The following TRPM3 variants were observed in gnomAD, a reference collection of about 807,000 sequenced individuals.
The protein encoded by TRPM3 is transient receptor potential cation channel subfamily M member 3, also known as long transient receptor potential channel 3.
Under a neutral mutation model 181.2 loss-of-function variants are expected in TRPM3, and 77 were observed. That is an observed-to-expected ratio of 0.42 (90% CI 0.35 to 0.51). The LOEUF (loss-of-function observed/expected upper bound fraction) is 0.51, where lower values mean the gene tolerates loss of function less well. Ranked by LOEUF, TRPM3 falls within the 20% of genes least tolerant of loss-of-function variation. The probability of loss-of-function intolerance (pLI) is 0.01; values close to 1 mark genes in which losing one functional copy is unlikely to be tolerated. For missense variants in TRPM3, 1,759 were observed against 2,196.7 expected, an observed-to-expected ratio of 0.80 and a Z score of 3.98; for synonymous variants, 745 against 796.4, an observed-to-expected ratio of 0.94 and a Z score of 1.09.
At position 70,828,021 on chromosome 9, in the gene TRPM3, G is replaced by T. The variant is rs2131690284; in HGVS notation, c.802-3C>A. The T allele has an allele frequency of 6.2e-7, 1 of 1,608,386 alleles. No homozygotes were observed. The highest frequency in any genetic ancestry group is 8.5e-7 in the Non-Finnish European group (1 of 1,176,290). ...ATGGTCTGGTATGGCCGGACAACCT[G>T]CAGGGTATCAAATGGAAGAGGCAGA... is the stretch of plus-strand genomic sequence containing the variant. On this transcript the variant is annotated splice_polypyrimidine_tract_variant and splice_region_variant and intron_variant, in intron 5 of 25. Transcript: ENST00000677713.
At chr9:71,252,847 C>T (rs371384128) in intron 1 of TRPM3, among the ~76,000 whole-genome samples, 16 of 84,758 alleles carry the variant, frequency 1.9e-4, no homozygotes, top group African/African-American at 2.6e-4. Flanking sequence ...AATTTTGTCT[C>T]TTTTTTTTTT....
chr9:70,855,585 G>A (rs1159021851), intron 3 of TRPM3, among the ~76,000 whole-genome samples: 1 of 152,166 alleles, frequency 6.6e-6, no homozygotes, highest in Non-Finnish European at 1.5e-5. Context: ...CTGAAAAATG[G>A]AACTATCATT....
rs552368074 is a variant in TRPM3 at position 70,544,760 on chromosome 9, A to G, written c.3707+4782T>C. On this transcript the variant is annotated intron_variant, in intron 25 of 25. Transcript: ENST00000677713. ...ATAATGATCTAAAGGGGGGAAAAAA[A>G]GAAAAATTTTATAGTAATGAATACT... Among the ~76,000 whole-genome samples the G allele has an allele frequency of 1.1e-4, 17 of 152,254 alleles. 1 individual carries two copies. Among genetic ancestry groups the G allele is most frequent in the African/African-American group, 3.9e-4 (16 of 41,538 alleles).
chr9:71,140,991 C>A (rs1311920873), intron 1 of TRPM3, among the ~76,000 whole-genome samples: 3 of 152,150 alleles, frequency 2.0e-5, no homozygotes, highest in Non-Finnish European at 4.4e-5. Context: ...TCAGATAAGA[C>A]ACTTGGTATT....
chr9:70,932,988 G>A (rs1481495008), intron 1 of TRPM3, among the ~76,000 whole-genome samples: 1 of 152,168 alleles, frequency 6.6e-6, no homozygotes, highest in Non-Finnish European at 1.5e-5. Context: ...GGTAATTTCA[G>A]TAAGATTTGA....
intron 1 of TRPM3, among the ~76,000 whole-genome samples, chr9:71,282,315 GAA>G (rs1356740842): frequency 1.2e-5 from 1 of 85,922 alleles, no homozygotes; most frequent in Admixed American, 1.0e-4. Flanking sequence ...ACGAAAGAAA[GAA>G]AGAAAGGAAA....
chr9:71,037,310 G>A (rs905134203), intron 1 of TRPM3, among the ~76,000 whole-genome samples: 2 of 152,182 alleles, frequency 1.3e-5, no homozygotes, highest in African/African-American at 2.4e-5. Context: ...ACACCTCAGA[G>A]TTAAGTCTTG....
chr9:70,761,020 T>C (rs2078032655), intron 8 of TRPM3: 1 of 163,076 alleles, frequency 6.1e-6, no homozygotes, highest in Non-Finnish European at 1.3e-5. Flanking sequence ...GTTAAATGTT[T>C]GAGTAAGCAG....
chr9:71,366,479 A>C (rs2092338766), intron 1 of TRPM3, among the ~76,000 whole-genome samples: 1 of 152,116 alleles, frequency 6.6e-6, no homozygotes. Context: ...AGGTGGTATG[A>C]GGGTAGGAGA....
chr9:71,112,419 G>A (rs748440585), intron 1 of TRPM3, among the ~76,000 whole-genome samples: 13 of 152,182 alleles, frequency 8.5e-5, no homozygotes, highest in East Asian at 1.9e-4. Flanking sequence ...CACTGAGCAC[G>A]AAATATTGGT....
intron 22 of TRPM3, among the ~76,000 whole-genome samples, chr9:70,568,737 G>A (rs368005613): frequency 6.6e-6 from 1 of 152,210 alleles, no homozygotes; most frequent in Non-Finnish European, 1.5e-5. Flanking sequence ...CCACTACCTT[G>A]TGCTATTTCT....
At chr9:71,446,789 G>C (rs1369187744) in exon 1 of TRPM3, 6 of 1,550,054 alleles carry the variant, frequency 3.9e-6, no homozygotes, top group Non-Finnish European at 5.2e-6. Flanking sequence ...CTCGCGGTCG[G>C]AGCAGCCCCG....
intron 1 of TRPM3, among the ~76,000 whole-genome samples, chr9:71,284,090 C>T (rs2085077863): frequency 6.7e-6 from 1 of 149,558 alleles, no homozygotes; most frequent in Non-Finnish European, 1.5e-5. Flanking sequence ...CCTTAGTGTT[C>T]TCACCTGTAG....
At chr9:70,987,480 C>T (rs971279907) in intron 1 of TRPM3, among the ~76,000 whole-genome samples, 3 of 152,060 alleles carry the variant, frequency 2.0e-5, no homozygotes, top group Non-Finnish European at 2.9e-5. Flanking sequence ...TTCATTCTTC[C>T]ATTTCTTATG....
chr9:70,555,181 C>T (rs992709138), intron 22 of TRPM3, among the ~76,000 whole-genome samples: 2 of 152,216 alleles, frequency 1.3e-5, no homozygotes, highest in Non-Finnish European at 2.9e-5. Flanking sequence ...CCTCTGCTAC[C>T]TTGCTCCCAT....
rs762941972 is a variant in TRPM3, at chr9:71,301,419, A to ATG, written c.183+145232_183+145233dup. On this transcript the variant is annotated intron_variant, in intron 1 of 24. Transcript: ENST00000357533. ...TCTTAATTCCCAAGGGTCACTGAGT[A>ATG]TGTATCACCATGTTGTGCTTAATTG... Among the ~76,000 whole-genome samples the ATG allele has an allele frequency of 5.3e-5, 8 of 152,320 alleles. No homozygotes were observed. In the South Asian group the frequency reaches 1.7e-3, roughly 32 times the overall value.
chr9:70,739,082 A>C (rs1323304695), intron 8 of TRPM3, among the ~76,000 whole-genome samples: 1 of 152,146 alleles, frequency 6.6e-6, no homozygotes, highest in Non-Finnish European at 1.5e-5. Flanking sequence ...AATCCTATTG[A>C]TATTATTTCA....
intron 8 of TRPM3, among the ~76,000 whole-genome samples, chr9:70,745,923 A>G (rs970233187): frequency 6.6e-6 from 1 of 152,204 alleles, no homozygotes; most frequent in African/African-American, 2.4e-5. Flanking sequence ...ATATGAGAGG[A>G]ACAAGAAACA....
chr9:70,564,266 CATAAA>C (rs918505175), intron 22 of TRPM3, among the ~76,000 whole-genome samples: 41 of 152,216 alleles, frequency 2.7e-4, no homozygotes, highest in Non-Finnish European at 5.6e-4. Context: ...TCAGAGAAAA[CATAAA>C]ATAAGTTACT....
Sources: allele counts gnomAD v4.1 joint callset (sites outside exome capture counted in the v4.1 genomes callset), GRCh38; gene constraint gnomAD v4.1.1; transcripts MANE v1.5; gene names NCBI Gene and HGNC (gene_info 2026-07-23, HGNC 2026-07-21).